Variants in ADAM10 observed in about 807,000 individuals in gnomAD.
ADAM10 encodes the protein disintegrin and metalloproteinase domain-containing protein 10.
In ADAM10, 17 loss-of-function variants were observed where a neutral mutation model predicts 90.1. The ratio of observed to expected loss-of-function variants is 0.19; its 90% CI spans 0.13 to 0.28. ADAM10 has a LOEUF of 0.28. ADAM10 is among the 10% of genes least tolerant of loss of function. ADAM10 has a pLI of 1.00. For synonymous variants in ADAM10, 310 were observed against 298.6 expected (o/e 1.04, Z -0.40); for missense variants, 610 against 914.3 (o/e 0.67, Z 4.29).
intron 3 of ADAM10, among the ~76,000 whole-genome samples, chr15:58,680,707 A>G (rs1897410233): frequency 6.6e-6 from 1 of 152,216 alleles, no homozygotes; most frequent in Non-Finnish European, 1.5e-5. Flanking sequence ...TTAAAATAAA[A>G]ATCAGGACTT....
intron 7 of ADAM10, among the ~76,000 whole-genome samples, chr15:58,641,388 A>G (rs568355402): frequency 2.6e-5 from 4 of 152,306 alleles, no homozygotes; most frequent in African/African-American, 7.2e-5. Flanking sequence ...TATTTTAACT[A>G]ATTACTAGAA....
At chr15:58,727,254 A>C (rs1222346594) in intron 1 of ADAM10, among the ~76,000 whole-genome samples, 2 of 142,538 alleles carry the variant, frequency 1.4e-5, no homozygotes, top group African/African-American at 5.4e-5. Context: ...GCAACGGCGC[A>C]ATCTCGGCTC....
intron 13 of ADAM10, 133 bp downstream of exon 13, chr15:58,610,866 T>C (rs1466761265): frequency 1.4e-6 from 1 of 738,882 alleles, no homozygotes; most frequent in East Asian, 2.6e-5. Context: ...GTTACATTTA[T>C]AATCTCCTCA....
chr15:58,645,908 T>A, intron 6 of ADAM10, 147 bp downstream of exon 6: 5 of 792,286 alleles, frequency 6.3e-6, no homozygotes, highest in Non-Finnish European at 1.0e-5. Context: ...GTTATCCATG[T>A]ACTTATCTTA....
In ADAM10 at chr15:58,749,523, C is replaced by G. The variant is rs1214078047; in HGVS notation, c.12G>C (p.Leu4=). 1 of 1,553,636 alleles carries G rather than the reference C, an allele frequency of 6.4e-7. No individual in the cohort carries two copies. The highest frequency in any genetic ancestry group is 1.4e-5 in the African/African-American group (1 of 73,028). The change falls in exon 1 of 16, where the codon CTG becomes CTC. Residue 4 remains leucine, a synonymous_variant. Transcript: ENST00000260408. MVL[L]RVLILLLSWA... ...AGGAGAGGAGCAGAATTAACACTCT[C>G]AGCAACACCATCTTCCGCTGCCGCT...
At chr15:58,687,858 G>A (rs1897649054) in intron 2 of ADAM10, among the ~76,000 whole-genome samples, 1 of 152,184 alleles carries the variant, frequency 6.6e-6, no homozygotes, top group African/African-American at 2.4e-5. Context: ...ATCTAATTAT[G>A]GAGATGGAGA....
At chr15:58,710,820 C>T (rs1244436581) in intron 2 of ADAM10, among the ~76,000 whole-genome samples, 1 of 151,996 alleles carries the variant, frequency 6.6e-6, no homozygotes, top group African/African-American at 2.4e-5. Flanking sequence ...ATTTGTGTTC[C>T]CTAGATTCTT....
chr15:58,655,719 A>ATATATAG (rs1896805972), intron 5 of ADAM10, among the ~76,000 whole-genome samples: 1 of 46,922 alleles, frequency 2.1e-5, no homozygotes, highest in South Asian at 1.0e-3. Flanking sequence ...TAGTATATAT[A>ATATATAG]TATATATATA....
At chr15:58,714,565 T>C (rs1898592413) in intron 2 of ADAM10, among the ~76,000 whole-genome samples, 1 of 152,112 alleles carries the variant, frequency 6.6e-6, no homozygotes. Flanking sequence ...CCACAATGTA[T>C]AAGACAGTAC....
chr15:58,727,657 T>C (rs1003705720), intron 1 of ADAM10, among the ~76,000 whole-genome samples: 9 of 152,056 alleles, frequency 5.9e-5, no homozygotes, highest in Non-Finnish European at 1.2e-4. Flanking sequence ...AAGGAAAATG[T>C]AAATATATGC....
At chr15:58,742,803 T>A (rs558945086) in intron 1 of ADAM10, among the ~76,000 whole-genome samples, 2 of 152,330 alleles carry the variant, frequency 1.3e-5, no homozygotes, top group African/African-American at 4.8e-5. Context: ...TTAGGGTTGC[T>A]TGGAAGAGCA....
At chr15:58,658,323 A>C (rs183855711) in intron 5 of ADAM10, among the ~76,000 whole-genome samples, 2 of 152,264 alleles carry the variant, frequency 1.3e-5, no homozygotes, top group African/African-American at 4.8e-5. Context: ...TCAACTGACC[A>C]TGTGGACTCT....
chr15:58,723,216 C>G (rs937069222), intron 1 of ADAM10, among the ~76,000 whole-genome samples: 5 of 152,044 alleles, frequency 3.3e-5, no homozygotes, highest in Non-Finnish European at 5.9e-5. Flanking sequence ...CCACACAATT[C>G]ACTTATTTAA....
At chr15:58,705,362 C>A (rs1898248410) in intron 2 of ADAM10, among the ~76,000 whole-genome samples, 1 of 152,024 alleles carries the variant, frequency 6.6e-6, no homozygotes, top group South Asian at 2.1e-4. Flanking sequence ...TTGATTATAG[C>A]GGTTCTATTA....
At chr15:58,696,176 C>A (rs935699475) in intron 2 of ADAM10, among the ~76,000 whole-genome samples, 19 of 151,998 alleles carry the variant, frequency 1.3e-4, no homozygotes, top group Admixed American at 9.2e-4. Flanking sequence ...CTACTCCCAG[C>A]ACTTCGAGAG....
At chr15:58,632,932 A>G (rs1337455973) in intron 9 of ADAM10, among the ~76,000 whole-genome samples, 2 of 152,198 alleles carry the variant, frequency 1.3e-5, no homozygotes, top group Non-Finnish European at 2.9e-5. Flanking sequence ...TAGGGCCAGG[A>G]GATATAGATA....
intron 6 of ADAM10, among the ~76,000 whole-genome samples, chr15:58,645,515 T>C (rs1282388735): frequency 6.6e-6 from 1 of 152,156 alleles, no homozygotes; most frequent in Non-Finnish European, 1.5e-5. Context: ...ACCACCAAAA[T>C]GATTCATTTA....
At chr15:58,693,487 G>C (rs1360547831) in intron 2 of ADAM10, among the ~76,000 whole-genome samples, 1 of 152,050 alleles carries the variant, frequency 6.6e-6, no homozygotes, top group Non-Finnish European at 1.5e-5. Context: ...GCAATTCAAA[G>C]AATTGATAGG....
chr15:58,671,465 A>T (rs1897188705), intron 4 of ADAM10, among the ~76,000 whole-genome samples: 1 of 152,228 alleles, frequency 6.6e-6, no homozygotes, highest in South Asian at 2.1e-4. Flanking sequence ...TCTATGAATT[A>T]TGCTATCAGA....
Sources: allele counts gnomAD v4.1 joint callset (sites outside exome capture counted in the v4.1 genomes callset), GRCh38; gene constraint gnomAD v4.1.1; transcripts MANE v1.5; gene names NCBI Gene and HGNC (gene_info 2026-07-23, HGNC 2026-07-21).